DMRT2: variants seen among roughly 807,000 people sequenced by gnomAD.
DMRT2 encodes the protein doublesex- and mab-3-related transcription factor 2.
DMRT2 carries 33 observed loss-of-function variants against 43.5 expected under a neutral mutation model. That is an observed-to-expected ratio of 0.76 (90% CI 0.58 to 1.01). The LOEUF (loss-of-function observed/expected upper bound fraction) is 1.01, where lower values mean the gene tolerates loss of function less well. DMRT2 is among the 50% of genes least tolerant of loss of function. The pLI, the probability that DMRT2 is intolerant of heterozygous loss-of-function variation, is 0.00. For synonymous variants in DMRT2, 395 were observed against 309.2 expected, an observed-to-expected ratio of 1.28 and a Z score of -2.91; for missense variants, 1,064 against 748.0, an observed-to-expected ratio of 1.42 and a Z score of -4.93.
In DMRT2 at chr9:1,052,152, C is replaced by A; in HGVS notation, c.525+14C>A. 1 of 1,364,726 alleles carries A rather than the reference C, an allele frequency of 7.3e-7. No individual in the cohort carries two copies. The highest frequency in any genetic ancestry group is 9.4e-7 in the Non-Finnish European group (1 of 1,064,442). The allele number at this position is 1,364,726 out of a possible 1,614,324, so 84.5% of individuals were successfully genotyped here. On this transcript the variant is annotated intron_variant, in intron 2 of 3. Transcript: ENST00000358146. ...CAGGCCACCGAGGTGCGTACCCGCC[C>A]GGCCCGGGCGTCTCAGGCCACAGTG...
chr9:1,055,796 C>G (rs1346426328), intron 3 of DMRT2: 4 of 1,507,852 alleles, frequency 2.7e-6, no homozygotes, highest in South Asian at 2.6e-5. Context: ...GACATCAGCT[C>G]TAGGTATAGA....
Position 1,057,125 on chromosome 9 carries a change from A to T in DMRT2, c.1538A>T (p.Lys513Met). The change falls in exon 4 of 4, where the codon AAG becomes ATG. Residue 513 changes from lysine (K) to methionine (M), a missense_variant. Lys to Met is a moderately conservative substitution (Grantham distance 95, BLOSUM62 -1). Transcript: ENST00000358146. Reference sequence around the variant, plus strand: ...GAGTGTTTAGTTAAGGACAACCAGAAGTACACATTTACAATAGATAGATGT... The same window carrying T: ...GAGTGTTTAGTTAAGGACAACCAGATGTACACATTTACAATAGATAGATGT... ...HRECLVKDNQ[K>M]YTFTIDRCAK... The T allele has an allele frequency of 6.2e-7, 1 of 1,614,190 alleles. No homozygotes were observed. The highest frequency in any genetic ancestry group is 8.5e-7 in the Non-Finnish European group (1 of 1,180,036).
At chr9:1,052,686 C>G (rs7849591) in intron 2 of DMRT2, among the ~76,000 whole-genome samples, 1 of 152,078 alleles carries the variant, frequency 6.6e-6, no homozygotes, top group Admixed American at 6.5e-5. Context: ...GTCATCAATC[C>G]GAAGCTACTG....
chr9:1,057,165 T>G lies in DMRT2; in HGVS notation c.1578T>G (p.Phe526Leu), dbSNP rs201072097. The change falls in exon 4 of 4, where the codon TTT becomes TTG. Residue 526 changes from phenylalanine (F) to leucine (L), a missense_variant. Transcript: ENST00000358146. Reference sequence around the variant, plus strand: ...TAGATAGATGTGCAAAAGACCTTTTTGTAGCCAAACAAGTTGGAACAAAAC... The same window carrying G: ...TAGATAGATGTGCAAAAGACCTTTTGGTAGCCAAACAAGTTGGAACAAAAC... ...FTIDRCAKDL[F>L]VAKQVGTKLS... The G allele has an allele frequency of 6.2e-7, 1 of 1,614,066 alleles. No homozygotes were observed. Among genetic ancestry groups the G allele is most frequent in the Non-Finnish European group, 8.5e-7 (1 of 1,180,004 alleles).
In DMRT2 at chr9:1,056,949, G is replaced by A; in HGVS notation, c.1362G>A (p.Lys454=). The change falls in exon 4 of 4, where the codon AAG becomes AAA. Residue 454 remains lysine, a synonymous_variant. Transcript: ENST00000358146. ...CAGCTCAAGGGCATGTCTTAACGAA[G>A]ATCAGCAAAGAAAACACCAGGCACC... ...SLAAQGHVLT[K]ISKENTRHPL... is the part of the protein sequence containing the mutation. 2 of 1,614,156 alleles carry A rather than the reference G, an allele frequency of 1.2e-6. No homozygotes were observed. Among genetic ancestry groups the A allele is most frequent in the Non-Finnish European group, 8.5e-7 (1 of 1,180,042 alleles).
chr9:1,053,776 C>T lies in DMRT2; in HGVS notation c.580C>T (p.Gln194Ter), dbSNP rs1821778734. The change falls in exon 3 of 4, where the codon CAG becomes TAG. Residue 194 changes from glutamine (Q) to a stop codon, truncating the protein, a stop_gained. Transcript: ENST00000358146. LOFTEE classifies it high-confidence loss of function. ...TAATTTCGAGCGCAAAGCTGTGTACCAGAGGCAAGTCAGAGCCCCCAGTTT... is the reference window on the plus strand; with the variant it reads ...TAATTTCGAGCGCAAAGCTGTGTACTAGAGGCAAGTCAGAGCCCCCAGTTT... ...QNNFERKAVY[Q>*]RQVRAPSLLA... 1 of 1,614,058 alleles carries T rather than the reference C, an allele frequency of 6.2e-7. No homozygotes were observed. The highest frequency in any genetic ancestry group is 8.5e-7 in the Non-Finnish European group (1 of 1,179,996).
At chr9:1,053,361 C>T (rs1821746644) in intron 2 of DMRT2, among the ~76,000 whole-genome samples, 1 of 152,228 alleles carries the variant, frequency 6.6e-6, no homozygotes, top group African/African-American at 2.4e-5. Flanking sequence ...CCCAGCCTGG[C>T]TGCAACCATC....
intron 2 of DMRT2, among the ~76,000 whole-genome samples, chr9:1,053,383 G>C (rs923400499): frequency 3.3e-5 from 5 of 152,166 alleles, no homozygotes; most frequent in Non-Finnish European, 7.3e-5. Flanking sequence ...CTTGAGGTCG[G>C]GTGCCCCCCT....
At chr9:1,052,225 C>T (rs923110986) in intron 2 of DMRT2, 87 bp downstream of exon 2, 1 of 1,117,990 alleles carries the variant, frequency 8.9e-7, no homozygotes, top group African/African-American at 1.6e-5. Flanking sequence ...ACACCCCCCG[C>T]GCCCAGGGCC....
rs1164896533 is a variant in DMRT2, at chr9:1,051,847, G to A, written c.234G>A (p.Pro78=). 1.4e-6 allele frequency: 2 copies of A among 1,421,234 alleles called. No individual in the cohort carries two copies. Among genetic ancestry groups the A allele is most frequent in the South Asian group, 1.5e-5 (1 of 64,934 alleles). The allele number at this position is 1,421,234 out of a possible 1,614,324, so 88.0% of individuals were successfully genotyped here. ...CGTCCCCCGGGATGCCCGGCCAGCC[G>A]GAGCAGCGGGGGGGACCGCAGCCGA... The part of the protein sequence containing the change: ...AGASPGMPGQ[P]EQRGGPQPRP... The change falls in exon 2 of 4, where the codon CCG becomes CCA. Residue 78 remains proline (P), a synonymous_variant. Transcript: ENST00000358146. The surrounding 1 kb of genome is among the most constrained non-coding windows in gnomAD (Gnocchi z 5.9).
Position 1,057,309 on chromosome 9 carries a change from T to A in DMRT2, c.*36T>A. 6.4e-7 allele frequency: 1 copy of A among 1,558,220 alleles called. No homozygotes were observed. Among genetic ancestry groups the A allele is most frequent in the South Asian group, 1.2e-5 (1 of 82,870 alleles). On this transcript the variant is annotated 3_prime_UTR_variant, in exon 4 of 4. Transcript: ENST00000358146. ...AAACAGAAAGCTGGATTTTCTGCAG[T>A]CTTAGAGCATTATAGCCATTTGCTA... is the stretch of plus-strand genomic sequence containing the variant.
intron 3 of DMRT2, 88 bp from the exon 4 acceptor site, chr9:1,056,127 AT>A: frequency 6.6e-7 from 1 of 1,521,066 alleles, no homozygotes; most frequent in Non-Finnish European, 8.8e-7. Context: ...TGTTCTGCTG[AT>A]CTGTAGTGTT....
In DMRT2 at chr9:1,056,262, T is replaced by C. The variant is rs1240855843; in HGVS notation, c.675T>C (p.Pro225=). 5 of 1,614,160 alleles carry C rather than the reference T, an allele frequency of 3.1e-6. No individual in the cohort carries two copies. Among genetic ancestry groups the C allele is most frequent in the Non-Finnish European group, 4.2e-6 (5 of 1,180,008 alleles). ...AGACTTATGTAGGAGGGACCTTCCC[T>C]CTACCTCCCCCAGTTAGTGACAGGA... is the stretch of plus-strand genomic sequence containing the variant. ...PAETYVGGTF[P]LPPPVSDRMR... is the part of the protein sequence containing the mutation. The change falls in exon 4 of 4, where the codon CCT becomes CCC. Residue 225 remains proline, a synonymous_variant. Coordinates refer to ENST00000358146, the MANE Select transcript of DMRT2 (RefSeq NM_181872.6).
Position 1,057,224 on chromosome 9 carries a change from A to G in DMRT2, c.1637A>G (p.Glu546Gly). Reference protein sequence around the residue: ...SVNEPLSFSVESILKRPSSAI... With the variant: ...SVNEPLSFSVGSILKRPSSAI... ...AATGAACCACTGTCATTTTCTGTTGAGTCTATTCTTAAGAGGCCTTCATCT... is the reference window on the plus strand; with the variant it reads ...AATGAACCACTGTCATTTTCTGTTGGGTCTATTCTTAAGAGGCCTTCATCT... Residue 546 changes from glutamate to glycine, a missense_variant, in exon 4 of 4, where the codon GAG (glutamate) becomes GGG (glycine). Physicochemically the swap from Glu to Gly is moderately conservative, Grantham distance 98 (BLOSUM62 -2). Transcript: ENST00000358146. 1 of 1,613,924 alleles carries G rather than the reference A, an allele frequency of 6.2e-7. No homozygotes were observed. Among genetic ancestry groups the G allele is most frequent in the South Asian group, 1.1e-5 (1 of 91,070 alleles).
rs755639147 is a variant in DMRT2, at chr9:1,051,767, G to T, written c.154G>T (p.Asp52Tyr). Residue 52 changes from aspartate to tyrosine, a missense_variant, in exon 2 of 4, where the codon GAC becomes TAC. Coordinates refer to ENST00000358146, the MANE Select transcript of DMRT2 (RefSeq NM_181872.6). This position sits in a 1 kb window ranked among gnomAD's most constrained non-coding sequence, Gnocchi z 5.9. ...CGGGGACTGCGAGGACGACGAAGAT[G>T]ACGACGGGGTGGACGAAGACGCGGA... ...ADGDCEDDEDDDGVDEDAEEE... is the reference protein window; with the variant it reads ...ADGDCEDDEDYDGVDEDAEEE... 2.6e-6 allele frequency: 4 copies of T among 1,524,762 alleles called. No individual in the cohort carries two copies. The highest frequency in any genetic ancestry group is 3.5e-6 in the Non-Finnish European group (4 of 1,138,892). 94.5% of individuals were successfully genotyped at this position (1,524,762 alleles called of 1,614,324 possible).
At chr9:1,055,950 A>T in intron 3 of DMRT2, 1 of 1,400,540 alleles carries the variant, frequency 7.1e-7, no homozygotes. Flanking sequence ...TGTTGAAGCA[A>T]GCAAGCAAAC....
Position 1,055,695 on chromosome 9 carries a change from ACTTT to A in DMRT2, c.629-510_629-507del, listed in dbSNP as rs756143560. 1.8e-5 allele frequency: 27 copies of A among 1,479,548 alleles called. No individual in the cohort carries two copies. In the South Asian group the frequency reaches 2.1e-4, roughly 11 times the overall value. 91.7% of individuals were successfully genotyped at this position (1,479,548 alleles called of 1,614,324 possible). On this transcript the variant is annotated intron_variant, in intron 3 of 3. Transcript: ENST00000358146. Reference sequence around the variant, plus strand: ...TTTTTCTACTCGCTAATCTCCTTTAACTTTCTTTCTTTCTCTTTTTTCCTAGTTC... The same window carrying A: ...TTTTTCTACTCGCTAATCTCCTTTAACTTTCTTTCTCTTTTTTCCTAGTTC...
Position 1,051,842 on chromosome 9 carries a change from C to G in DMRT2, c.229C>G (p.Gln77Glu). Reference protein sequence around the residue: ...EAGASPGMPGQPEQRGGPQPR... With the variant: ...EAGASPGMPGEPEQRGGPQPR... ...AGGCGCGTCCCCCGGGATGCCCGGC[C>G]AGCCGGAGCAGCGGGGGGGACCGCA... The change falls in exon 2 of 4, where the codon CAG becomes GAG. Residue 77 changes from glutamine to glutamate, a missense_variant. Transcript: ENST00000358146. The surrounding 1 kb of genome is among the most constrained non-coding windows in gnomAD (Gnocchi z 5.9). 7.0e-7 allele frequency: 1 copy of G among 1,429,438 alleles called. No individual in the cohort carries two copies. The highest frequency in any genetic ancestry group is 9.1e-7 in the Non-Finnish European group (1 of 1,099,910). The allele number at this position is 1,429,438 out of a possible 1,614,324, so 88.5% of individuals were successfully genotyped here. A position where few individuals can be genotyped will look rare whatever the true frequency, so the allele number is the denominator to read the frequency against.
Position 1,056,528 on chromosome 9 carries a change from C to T in DMRT2, c.941C>T (p.Ser314Leu). The T allele has an allele frequency of 1.2e-6, 2 of 1,614,206 alleles. No individual in the cohort carries two copies. The highest frequency in any genetic ancestry group is 1.3e-5 in the African/African-American group (1 of 75,062). ...TGCCTTGATTTAACCATGCAGTATTCAGGGTCTGGGAATATGGAACTAATT... is the reference window on the plus strand; with the variant it reads ...TGCCTTGATTTAACCATGCAGTATTTAGGGTCTGGGAATATGGAACTAATT... The part of the protein sequence containing the change: ...PTCLDLTMQY[S>L]GSGNMELISS... Residue 314 changes from serine to leucine, a missense_variant, in exon 4 of 4, where the codon TCA (serine) becomes TTA (leucine). Coordinates refer to ENST00000358146, the MANE Select transcript of DMRT2 (RefSeq NM_181872.6).
Sources: gnomAD v4.1 joint callset for allele counts (sites outside exome capture counted in the v4.1 genomes callset) on GRCh38, gnomAD v4.1.1 for gene constraint, Gnocchi (gnomAD v3.1) non-coding constraint, MANE v1.5 for transcripts, NCBI Gene and HGNC (gene_info 2026-07-23, HGNC 2026-07-21) for gene names.